Variants in TNNI3K observed in about 807,000 individuals in gnomAD.
TNNI3K encodes the protein serine/threonine-protein kinase TNNI3K.
TNNI3K carries 140 observed loss-of-function variants against 114.5 expected under a neutral mutation model. That is an observed-to-expected ratio of 1.22 (90% CI 1.07 to 1.41). The LOEUF (loss-of-function observed/expected upper bound fraction) is 1.41, where lower values mean the gene tolerates loss of function less well. Among genes scored for constraint, TNNI3K ranks in the 40% most tolerant of loss-of-function variants. The pLI, the probability that TNNI3K is intolerant of heterozygous loss-of-function variation, is 0.00. For missense variants in TNNI3K, 1,125 were observed against 1,007.6 expected, an observed-to-expected ratio of 1.12 and a Z score of -1.58; for synonymous variants, 347 against 347.5, an observed-to-expected ratio of 1.00 and a Z score of 0.02.
At chr1:74,500,145 ACCTC>A (rs1669534977) in intron 23 of TNNI3K, among the ~76,000 whole-genome samples, 1 of 151,804 alleles carries the variant, frequency 6.6e-6, no homozygotes, top group East Asian at 1.9e-4. Context: ...TTCTCTCCTG[ACCTC>A]TATAATACCT....
intron 21 of TNNI3K, among the ~76,000 whole-genome samples, chr1:74,466,054 G>A (rs956861046): frequency 3.9e-5 from 6 of 152,116 alleles, no homozygotes; most frequent in African/African-American, 1.4e-4. Flanking sequence ...CACTGACCCC[G>A]AAGGTCTGCA....
intron 9 of TNNI3K, among the ~76,000 whole-genome samples, chr1:74,351,364 G>T (rs1661329064): frequency 6.6e-6 from 1 of 151,190 alleles, no homozygotes; most frequent in Admixed American, 6.6e-5. Flanking sequence ...TTCCCTTTGT[G>T]GGTAACCCAA....
chr1:74,326,997 C>G (rs2100399799), intron 5 of TNNI3K, among the ~76,000 whole-genome samples: 1 of 150,926 alleles, frequency 6.6e-6, no homozygotes, highest in African/African-American at 2.4e-5. Flanking sequence ...AGGAGAATTG[C>G]TTAAACCTGG....
intron 11 of TNNI3K, among the ~76,000 whole-genome samples, chr1:74,357,472 T>A (rs2100490367): frequency 6.6e-6 from 1 of 152,302 alleles, no homozygotes; most frequent in Non-Finnish European, 1.5e-5. Context: ...TTAGCTGACC[T>A]TCTTTCTACT....
intron 23 of TNNI3K, 27 bp downstream of exon 23, chr1:74,492,293 C>G (rs1669121243): frequency 6.9e-7 from 1 of 1,458,626 alleles, no homozygotes; most frequent in Non-Finnish European, 9.2e-7. Context: ...GCAAATCTCA[C>G]AGTAAAGTCT....
intron 5 of TNNI3K, among the ~76,000 whole-genome samples, chr1:74,316,885 GAGAC>G (rs1440895898): frequency 6.7e-6 from 1 of 150,014 alleles, no homozygotes; most frequent in Non-Finnish European, 1.5e-5. Flanking sequence ...ATTTTTAGTA[GAGAC>G]AGGGTTTCAC....
At chr1:74,542,200 G>C (rs985287273) in intron 24 of TNNI3K, among the ~76,000 whole-genome samples, 2 of 152,170 alleles carry the variant, frequency 1.3e-5, no homozygotes, top group African/African-American at 2.4e-5. Flanking sequence ...CCTGAGGGTA[G>C]AGCCCACCCA....
chr1:74,405,683 A>G (rs1664581041), intron 17 of TNNI3K, among the ~76,000 whole-genome samples: 1 of 152,184 alleles, frequency 6.6e-6, no homozygotes, highest in Admixed American at 6.5e-5. Flanking sequence ...GGGGGAAAAA[A>G]TGAGGATTAG....
chr1:74,287,099 AG>A (rs1416208439), intron 5 of TNNI3K, among the ~76,000 whole-genome samples: 1 of 151,992 alleles, frequency 6.6e-6, no homozygotes, highest in African/African-American at 2.4e-5. Flanking sequence ...TTGATCAAGC[AG>A]AAGAGAGAAT....
chr1:74,368,296 A>T (rs947601191), intron 13 of TNNI3K, among the ~76,000 whole-genome samples: 12 of 151,806 alleles, frequency 7.9e-5, no homozygotes, highest in East Asian at 1.9e-4. Context: ...TATGTGAAAA[A>T]ATATATATTA....
intron 21 of TNNI3K, among the ~76,000 whole-genome samples, chr1:74,483,971 C>T (rs1193056765): frequency 6.6e-6 from 1 of 151,980 alleles, no homozygotes; most frequent in Non-Finnish European, 1.5e-5. Context: ...TTTTTACTGA[C>T]TATATTATCT....
intron 11 of TNNI3K, among the ~76,000 whole-genome samples, chr1:74,365,494 C>G (rs1015265116): frequency 6.6e-6 from 1 of 152,032 alleles, no homozygotes; most frequent in Non-Finnish European, 1.5e-5. Flanking sequence ...TCAAGTGATT[C>G]TTATACATAG....
chr1:74,295,718 T>C (rs557814134), intron 5 of TNNI3K, among the ~76,000 whole-genome samples: 2 of 152,336 alleles, frequency 1.3e-5, no homozygotes, highest in East Asian at 3.9e-4. Context: ...TTGATCCTTT[T>C]ATGTTCAAAC....
chr1:74,481,445 T>C (rs1273002737), intron 21 of TNNI3K, among the ~76,000 whole-genome samples: 2 of 152,120 alleles, frequency 1.3e-5, no homozygotes, highest in Non-Finnish European at 2.9e-5. Context: ...CTCCCAAAAG[T>C]AAAGGTGCGA....
chr1:74,390,957 T>A (rs1663732937), intron 17 of TNNI3K, among the ~76,000 whole-genome samples: 1 of 70,222 alleles, frequency 1.4e-5, no homozygotes, highest in Non-Finnish European at 2.7e-5. Flanking sequence ...AAAAATATAT[T>A]TTTTTCCGAA....
intron 11 of TNNI3K, among the ~76,000 whole-genome samples, chr1:74,363,237 T>G (rs1340923894): frequency 6.6e-6 from 1 of 152,028 alleles, no homozygotes; most frequent in Non-Finnish European, 1.5e-5. Context: ...GGTTTTGGGT[T>G]TCTTTCCATG....
intron 5 of TNNI3K, among the ~76,000 whole-genome samples, chr1:74,281,334 A>ATGTGTGTGTGTGTGTGTGTG (rs149830701): frequency 6.8e-5 from 10 of 148,050 alleles, no homozygotes; most frequent in African/African-American, 2.0e-4. Flanking sequence ...ACAATAATAG[A>ATGTGTGTGTGTGTGTGTGTG]TGTGTGTGTG....
chr1:74,480,900 G>A (rs1297147450), intron 21 of TNNI3K: 1 of 717,260 alleles, frequency 1.4e-6, no homozygotes, highest in Non-Finnish European at 2.6e-6. Flanking sequence ...AAGAGAGACA[G>A]GTTTGTGCTC....
chr1:74,528,790 A>C (rs1414483269), intron 23 of TNNI3K, among the ~76,000 whole-genome samples: 1 of 152,212 alleles, frequency 6.6e-6, no homozygotes, highest in Non-Finnish European at 1.5e-5. Flanking sequence ...CGGCACTTCA[A>C]CTGCAGGAAC....
Sources: allele counts gnomAD v4.1 joint callset (sites outside exome capture counted in the v4.1 genomes callset), GRCh38; gene constraint gnomAD v4.1.1; transcripts MANE v1.5; gene names NCBI Gene and HGNC (gene_info 2026-07-23, HGNC 2026-07-21).